The following THSD4 variants were observed in gnomAD, a reference collection of about 807,000 sequenced individuals.
The protein encoded by THSD4 is thrombospondin type 1 domain containing 4.
In THSD4, 69 loss-of-function variants were observed where a neutral mutation model predicts 119.0. That is an observed-to-expected ratio of 0.58 (90% CI 0.48 to 0.71). The LOEUF (loss-of-function observed/expected upper bound fraction) is 0.71, where lower values mean the gene tolerates loss of function less well. Among genes scored for constraint, THSD4 ranks in the 30% least tolerant of loss-of-function variants. The pLI is 0.00. For missense variants in THSD4, 1,393 were observed against 1,391.1 expected, an observed-to-expected ratio of 1.00 and a Z score of -0.02; for synonymous variants, 524 against 540.4, an observed-to-expected ratio of 0.97 and a Z score of 0.42.
chr15:71,622,144 G>T (rs1380624164), intron 7 of THSD4, among the ~76,000 whole-genome samples: 1 of 152,080 alleles, frequency 6.6e-6, no homozygotes, highest in Admixed American at 6.6e-5. Context: ...TTGATTTCTG[G>T]GTTTCCCTAA....
Position 71,377,909 on chromosome 15 carries a change from CACA to C in THSD4, c.1016-33777_1016-33775del, listed in dbSNP as rs1452380586. On this transcript the variant is annotated intron_variant, in intron 6 of 17. Transcript: ENST00000261862. ...ACACACACACACACACACACACACA[CACA>C]CAATTTCCTTCAGTGACTCTTCTGA... Among the ~76,000 whole-genome samples, 236 of 67,914 alleles carry C rather than the reference CACA, an allele frequency of 3.5e-3. 2 individuals are homozygous for C. The highest frequency in any genetic ancestry group is 0.012 in the African/African-American group (202 of 16,914). The allele number at this position is 67,914 out of a possible 152,430, so 44.6% of individuals were successfully genotyped here.
rs1180252503 is a variant in THSD4, at chr15:71,425,722, A to C, written c.1152+13899A>C. Among the ~76,000 whole-genome samples, 17 of 152,362 alleles carry C rather than the reference A, an allele frequency of 1.1e-4. No homozygotes were observed. In the East Asian group the frequency reaches 3.3e-3, roughly 29 times the overall value. ...CCATTTGAATGGGTGTTTGAAATAA[A>C]TGTGTAAATGAAAGAAGGTACTTGG... On this transcript the variant is annotated intron_variant, in intron 7 of 17. Coordinates refer to ENST00000261862, the MANE Select transcript of THSD4 (RefSeq NM_024817.3).
chr15:71,451,448 G>C (rs542459093), intron 7 of THSD4, among the ~76,000 whole-genome samples: 1 of 152,240 alleles, frequency 6.6e-6, no homozygotes, highest in East Asian at 1.9e-4. Flanking sequence ...TGTTTTGCAG[G>C]ATCCGTCTTT....
chr15:71,312,272 A>C (rs902725555), intron 6 of THSD4, among the ~76,000 whole-genome samples: 8 of 152,178 alleles, frequency 5.3e-5, no homozygotes, highest in Admixed American at 2.0e-4. Flanking sequence ...AGGTTGCAGT[A>C]AGCTGAGATC....
rs11438956 is a variant in THSD4, at chr15:71,290,875, CTTTTTTT to C, written c.1015+34171_1015+34177del. Among the ~76,000 whole-genome samples, 9 of 129,476 alleles carry C rather than the reference CTTTTTTT, an allele frequency of 7.0e-5. No individual in the cohort carries two copies. The East Asian group carries it at 8.8e-4, about 13-fold the overall frequency. 84.9% of individuals were successfully genotyped at this position (129,476 alleles called of 152,430 possible). ...TCTGGAAACCTGGTTTCCTTTTTTC[CTTTTTTT>C]TTTTTTTTTTGTTAACTTTTATTTA... On this transcript the variant is annotated intron_variant, in intron 6 of 17. Transcript: ENST00000261862.
intron 6 of THSD4, among the ~76,000 whole-genome samples, chr15:71,394,544 T>G (rs2046420154): frequency 6.6e-6 from 1 of 152,196 alleles, no homozygotes. Flanking sequence ...GTGCTGGGAT[T>G]ACAGGCGTGA....
chr15:71,269,971 A>G (rs1268469863), intron 6 of THSD4, among the ~76,000 whole-genome samples: 1 of 152,210 alleles, frequency 6.6e-6, no homozygotes, highest in African/African-American at 2.4e-5. Flanking sequence ...AAATGGAAAA[A>G]CATTCCATGC....
chr15:71,098,251 A>G (rs559264910), intron 1 of THSD4, among the ~76,000 whole-genome samples: 71 of 135,828 alleles, frequency 5.2e-4, no homozygotes, highest in African/African-American at 1.9e-3. Flanking sequence ...CCCAGGCTAG[A>G]GTGCCATGAT....
intron 6 of THSD4, among the ~76,000 whole-genome samples, chr15:71,279,126 G>A (rs561288882): frequency 6.6e-6 from 1 of 152,296 alleles, no homozygotes; most frequent in Admixed American, 6.5e-5. Flanking sequence ...TGGCCTGCCT[G>A]TCATCAGGAA....
intron 6 of THSD4, among the ~76,000 whole-genome samples, chr15:71,389,814 T>TTTTTTTTTTTTTG (rs1423776113): frequency 1.6e-5 from 2 of 126,082 alleles, no homozygotes; most frequent in Non-Finnish European, 3.5e-5. Context: ...TGGGTTGTTT[T>TTTTTTTTTTTTTG]TTTTTTTTTT....
chr15:71,525,850 C>T (rs2048510337), intron 7 of THSD4, among the ~76,000 whole-genome samples: 1 of 152,086 alleles, frequency 6.6e-6, no homozygotes, highest in Non-Finnish European at 1.5e-5. Flanking sequence ...CCTTAGCATC[C>T]CCAGCTACAG....
intron 16 of THSD4, 126 bp from the exon 17 acceptor site, chr15:71,770,938 G>C: frequency 7.2e-7 from 1 of 1,389,486 alleles, no homozygotes; most frequent in South Asian, 1.4e-5. Flanking sequence ...ATAGGTACAT[G>C]GGAGTTTGTT....
chr15:71,220,536 A>G (rs1180439726), intron 4 of THSD4, among the ~76,000 whole-genome samples: 1 of 152,196 alleles, frequency 6.6e-6, no homozygotes, highest in African/African-American at 2.4e-5. Context: ...TTGTTGAATA[A>G]TTCAATGAAA....
At chr15:71,739,085 T>A (rs1281644572) in intron 11 of THSD4, among the ~76,000 whole-genome samples, 2 of 146,284 alleles carry the variant, frequency 1.4e-5, no homozygotes, top group African/African-American at 2.5e-5. Context: ...CATTCTCAAA[T>A]CTCAGGATTT....
chr15:71,333,415 C>T (rs976932593), intron 6 of THSD4, among the ~76,000 whole-genome samples: 1 of 152,124 alleles, frequency 6.6e-6, no homozygotes, highest in African/African-American at 2.4e-5. Flanking sequence ...AAACAGATGT[C>T]TATTCTAGTT....
intron 7 of THSD4, among the ~76,000 whole-genome samples, chr15:71,534,935 G>T (rs2048668663): frequency 7.3e-6 from 1 of 137,924 alleles, no homozygotes; most frequent in Admixed American, 8.2e-5. Flanking sequence ...CTCCATCCTG[G>T]GTGACAGAGC....
At chr15:71,446,018 AT>A (rs1200450396) in intron 7 of THSD4, among the ~76,000 whole-genome samples, 4 of 152,198 alleles carry the variant, frequency 2.6e-5, no homozygotes, top group Non-Finnish European at 5.9e-5. Context: ...TTAAGACTGA[AT>A]TTATTTCCTT....
intron 1 of THSD4, among the ~76,000 whole-genome samples, chr15:71,132,913 G>A (rs1310823457): frequency 6.6e-6 from 1 of 152,258 alleles, no homozygotes; most frequent in Non-Finnish European, 1.5e-5. Context: ...CAGGAAGGAA[G>A]GCCTGAGCCC....
At chr15:71,622,559 T>G (rs1186670614) in intron 7 of THSD4, among the ~76,000 whole-genome samples, 1 of 152,228 alleles carries the variant, frequency 6.6e-6, no homozygotes, top group African/African-American at 2.4e-5. Flanking sequence ...TTGTGTATTA[T>G]TTACACGTGT....
Sources: allele counts gnomAD v4.1 joint callset (sites outside exome capture counted in the v4.1 genomes callset), GRCh38; gene constraint gnomAD v4.1.1; transcripts MANE v1.5; gene names NCBI Gene and HGNC (gene_info 2026-07-23, HGNC 2026-07-21).